Variants in CAMTA1 observed in about 807,000 individuals in gnomAD.
CAMTA1 encodes calmodulin binding transcription activator 1.
In CAMTA1, 27 loss-of-function variants were observed where a neutral mutation model predicts 170.9. The observed-to-expected ratio is 0.16, with a 90% CI of 0.12 to 0.22. The LOEUF (loss-of-function observed/expected upper bound fraction) is 0.22. Ranked by LOEUF, CAMTA1 falls within the 10% of genes least tolerant of loss-of-function variation. CAMTA1 has a pLI of 1.00. For synonymous variants in CAMTA1, 833 were observed against 891.5 expected, an observed-to-expected ratio of 0.93 and a Z score of 1.17; for missense variants, 1,619 against 2,217.2, an observed-to-expected ratio of 0.73 and a Z score of 5.42.
chr1:7,756,341 T>C (rs1251665312), intron 22 of CAMTA1, among the ~76,000 whole-genome samples: 1 of 152,132 alleles, frequency 6.6e-6, no homozygotes, highest in Non-Finnish European at 1.5e-5. Context: ...AAATGTGGTG[T>C]GAAATGTCTC....
chr1:7,015,596 T>C (rs1700419715), intron 3 of CAMTA1, among the ~76,000 whole-genome samples: 1 of 152,248 alleles, frequency 6.6e-6, no homozygotes, highest in African/African-American at 2.4e-5. Flanking sequence ...TTTTAACCCA[T>C]GTTAGCACTG....
intron 5 of CAMTA1, among the ~76,000 whole-genome samples, chr1:7,309,427 G>A (rs1383859642): frequency 6.8e-6 from 1 of 147,446 alleles, no homozygotes; most frequent in Non-Finnish European, 1.5e-5. Context: ...AGCCTCCCAA[G>A]TAGCTGGGAC....
At chr1:6,808,226 GT>G (rs368648936) in intron 1 of CAMTA1, among the ~76,000 whole-genome samples, 47 of 145,512 alleles carry the variant, frequency 3.2e-4, no homozygotes, top group Non-Finnish European at 3.3e-4. Flanking sequence ...GCTTTTAGAA[GT>G]TTTTTTTTTT....
At position 7,456,321 on chromosome 1, in the gene CAMTA1, C is replaced by T. The variant is rs1298283117; in HGVS notation, c.439-11509C>T. Among the ~76,000 whole-genome samples the T allele has an allele frequency of 6.6e-6, 1 of 152,076 alleles. No homozygotes were observed. Among genetic ancestry groups the T allele is most frequent in the Non-Finnish European group, 1.5e-5 (1 of 67,996 alleles). ...GGACAGGGAGCGGGAAGGAGGAAGG[C>T]AGGCCATCACCAGTATACACCACTC... On this transcript the variant is annotated intron_variant, in intron 5 of 22. Coordinates refer to ENST00000303635, the MANE Select transcript of CAMTA1 (RefSeq NM_015215.4). The surrounding 1 kb of genome is among the most constrained non-coding windows in gnomAD (Gnocchi z 4.9).
intron 5 of CAMTA1, among the ~76,000 whole-genome samples, chr1:7,261,641 T>G (rs1415969885): frequency 6.6e-6 from 1 of 152,040 alleles, no homozygotes. Flanking sequence ...ATGGTGGAGG[T>G]GGAGGCATTC....
At position 7,065,930 on chromosome 1, in the gene CAMTA1, T is replaced by C. The variant is rs1330189166; in HGVS notation, c.235-25374T>C. 6.6e-6 allele frequency among the ~76,000 whole-genome samples: 1 copy of C among 152,116 alleles called. No homozygotes were observed. The highest frequency in any genetic ancestry group is 1.5e-5 in the Non-Finnish European group (1 of 68,004). ...CGCAGCACTGGCTTAAACTTGACTG[T>C]GCCATTGGCGCTTGCTGGCAGCAGC... On this transcript the variant is annotated intron_variant, in intron 3 of 22. Transcript: ENST00000303635. The surrounding 1 kb of genome is among the most constrained non-coding windows in gnomAD (Gnocchi z 5.2).
intron 6 of CAMTA1, among the ~76,000 whole-genome samples, chr1:7,597,483 A>G (rs1353941187): frequency 6.6e-6 from 1 of 152,182 alleles, no homozygotes; most frequent in Non-Finnish European, 1.5e-5. Flanking sequence ...TGAGTATTCC[A>G]TAGGGTTGCT....
chr1:7,363,007 C>T (rs1382765096), intron 5 of CAMTA1, among the ~76,000 whole-genome samples: 3 of 152,208 alleles, frequency 2.0e-5, no homozygotes, highest in African/African-American at 7.2e-5. Context: ...ATTAGTGGAA[C>T]ATAACCATTT....
At chr1:7,201,437 T>C (rs1276131249) in intron 4 of CAMTA1, among the ~76,000 whole-genome samples, 1 of 152,212 alleles carries the variant, frequency 6.6e-6, no homozygotes, top group Non-Finnish European at 1.5e-5. Flanking sequence ...ACTCTGTGTT[T>C]CATTACTTGA....
At chr1:6,855,128 AAAT>A (rs1661808832) in intron 3 of CAMTA1, among the ~76,000 whole-genome samples, 1 of 152,194 alleles carries the variant, frequency 6.6e-6, no homozygotes, top group Non-Finnish European at 1.5e-5. Flanking sequence ...AACTTATTAT[AAAT>A]AATAAGCTAG....
At chr1:7,186,808 G>C (rs542179977) in intron 4 of CAMTA1, among the ~76,000 whole-genome samples, 14 of 152,282 alleles carry the variant, frequency 9.2e-5, no homozygotes, top group African/African-American at 2.9e-4. Flanking sequence ...TGTAGTTTAG[G>C]GGAGAGAAAT....
intron 1 of CAMTA1, among the ~76,000 whole-genome samples, chr1:6,792,963 G>T (rs541101184): frequency 6.6e-6 from 1 of 152,196 alleles, no homozygotes; most frequent in East Asian, 1.9e-4. Context: ...ATGTTATTAT[G>T]TGGAGACTAA....
At chr1:6,822,864 T>C (rs1259625548) in intron 2 of CAMTA1, among the ~76,000 whole-genome samples, 3 of 151,638 alleles carry the variant, frequency 2.0e-5, no homozygotes. Flanking sequence ...TACCGCACAG[T>C]AGCTGGGTTC....
At chr1:6,815,379 A>G (rs1000729672) in intron 1 of CAMTA1, among the ~76,000 whole-genome samples, 1 of 151,998 alleles carries the variant, frequency 6.6e-6, no homozygotes, top group African/African-American at 2.4e-5. Flanking sequence ...TAATATTTTA[A>G]TATTTGTAGA....
At position 7,353,201 on chromosome 1, in the gene CAMTA1, C is replaced by T. The variant is rs1364625425; in HGVS notation, c.438+103575C>T. ...ATTGCACAATAAAATTACATGAGGG[C>T]AGGGTTGCACCTGCTCTTCCCTGTT... On this transcript the variant is annotated intron_variant, in intron 5 of 22. Transcript: ENST00000303635. Among the ~76,000 whole-genome samples, 5 of 152,284 alleles carry T rather than the reference C, an allele frequency of 3.3e-5. No homozygotes were observed. The East Asian group carries it at 7.7e-4, about 24-fold the overall frequency.
chr1:7,436,419 G>T (rs1297486765), intron 5 of CAMTA1, among the ~76,000 whole-genome samples: 3 of 152,172 alleles, frequency 2.0e-5, no homozygotes, highest in Admixed American at 2.0e-4. Context: ...GGCTTGGAGG[G>T]GTGCTTCTGT....
At chr1:7,626,723 A>G (rs892116959) in intron 6 of CAMTA1, among the ~76,000 whole-genome samples, 1 of 152,168 alleles carries the variant, frequency 6.6e-6, no homozygotes, top group African/African-American at 2.4e-5. Context: ...CTGCTGCGTG[A>G]CGTTCAACTC....
intron 3 of CAMTA1, chr1:7,008,523 G>C (rs904266048): frequency 6.6e-6 from 1 of 152,174 alleles, no homozygotes; most frequent in Admixed American, 6.5e-5. Flanking sequence ...GGAGGCTCAG[G>C]GGCCGGCAAG....
intron 21 of CAMTA1, 44 bp from the exon 22 acceptor site, chr1:7,755,594 C>T (rs1390638710): frequency 2.0e-6 from 3 of 1,465,208 alleles, no homozygotes; most frequent in South Asian, 1.2e-5. Flanking sequence ...CTGTTGTGAC[C>T]CTCATGTGCT....
Sources: allele counts gnomAD v4.1 joint callset (sites outside exome capture counted in the v4.1 genomes callset), GRCh38; gene constraint gnomAD v4.1.1; non-coding constraint Gnocchi (gnomAD v3.1); transcripts MANE v1.5; gene names NCBI Gene and HGNC (gene_info 2026-07-23, HGNC 2026-07-21).